The following MGAT5 variants were observed in gnomAD, a reference collection of about 807,000 sequenced individuals.
MGAT5 encodes alpha-1,6-mannosylglycoprotein 6-beta-N-acetylglucosaminyltransferase A.
A neutral mutation model predicts 94.3 loss-of-function variants in MGAT5; 30 were observed. The ratio of observed to expected loss-of-function variants is 0.32; its 90% CI spans 0.24 to 0.43. The LOEUF (loss-of-function observed/expected upper bound fraction) is 0.43, where lower values mean the gene tolerates loss of function less well. MGAT5 is among the 20% of genes least tolerant of loss of function. The pLI is 1.00. For synonymous variants in MGAT5, 310 were observed against 322.9 expected (o/e 0.96, Z 0.43); for missense variants, 691 against 905.5 (o/e 0.76, Z 3.04).
At chr2:134,267,440 A>G (rs1469467503) in intron 1 of MGAT5, among the ~76,000 whole-genome samples, 2 of 152,214 alleles carry the variant, frequency 1.3e-5, no homozygotes, top group South Asian at 4.1e-4. Flanking sequence ...AGAAAGTTCA[A>G]TAAGTGGAGG....
chr2:134,398,177 G>A (rs1328667630), intron 10 of MGAT5, among the ~76,000 whole-genome samples: 1 of 152,132 alleles, frequency 6.6e-6, no homozygotes, highest in South Asian at 2.1e-4. Context: ...CCATATTCCC[G>A]AAAATCTGAA....
intron 8 of MGAT5, among the ~76,000 whole-genome samples, chr2:134,345,782 A>G (rs10173703): frequency 0.014 from 2,174 of 152,302 alleles, 40 homozygotes; most frequent in African/African-American, 0.05. Context: ...TAACACATGC[A>G]TTTTTAACAA....
intron 10 of MGAT5, among the ~76,000 whole-genome samples, chr2:134,368,483 CTT>C (rs1288610881): frequency 6.6e-6 from 1 of 152,294 alleles, no homozygotes; most frequent in Admixed American, 6.5e-5. Flanking sequence ...ACTTCAAAGA[CTT>C]TGTGGTTTTA....
intron 10 of MGAT5, among the ~76,000 whole-genome samples, chr2:134,363,029 A>G (rs908682820): frequency 6.6e-6 from 1 of 152,248 alleles, no homozygotes; most frequent in African/African-American, 2.4e-5. Context: ...ATTTGGGGAA[A>G]GTATAACAGG....
intron 2 of MGAT5, among the ~76,000 whole-genome samples, chr2:134,276,020 A>C (rs1181149516): frequency 6.6e-6 from 1 of 152,186 alleles, no homozygotes; most frequent in African/African-American, 2.4e-5. Flanking sequence ...GATCTATGAG[A>C]TACTGTTAGA....
At chr2:134,144,109 C>T (rs1254919606) in intron 1 of MGAT5, among the ~76,000 whole-genome samples, 1 of 152,160 alleles carries the variant, frequency 6.6e-6, no homozygotes, top group Non-Finnish European at 1.5e-5. Context: ...GCTCACTGGG[C>T]TCCAAGCAAC....
chr2:134,188,430 A>G (rs1233227650), intron 1 of MGAT5, among the ~76,000 whole-genome samples: 1 of 152,236 alleles, frequency 6.6e-6, no homozygotes, highest in East Asian at 1.9e-4. Flanking sequence ...TCTCATCTGC[A>G]AAGTGGGAAT....
intron 1 of MGAT5, among the ~76,000 whole-genome samples, chr2:134,123,426 G>C (rs542114672): frequency 6.6e-6 from 1 of 152,298 alleles, no homozygotes; most frequent in South Asian, 2.1e-4. Flanking sequence ...TCATCTGTAA[G>C]ATCTGGGTTG....
At chr2:134,322,103 T>C (rs1158658348) in intron 4 of MGAT5, among the ~76,000 whole-genome samples, 1 of 152,220 alleles carries the variant, frequency 6.6e-6, no homozygotes, top group Non-Finnish European at 1.5e-5. Context: ...ATTCTTCCTT[T>C]ATGAAATAAT....
intron 1 of MGAT5, among the ~76,000 whole-genome samples, chr2:134,172,390 T>TA (rs199692005): frequency 0.16 from 24,476 of 151,436 alleles, 2,217 homozygotes; most frequent in South Asian, 0.23. Context: ...TTTTTTTTTT[T>TA]AATTAATTAT....
intron 10 of MGAT5, among the ~76,000 whole-genome samples, chr2:134,363,109 T>C (rs72980016): frequency 6.6e-6 from 1 of 152,158 alleles, no homozygotes; most frequent in Non-Finnish European, 1.5e-5. Context: ...GTCTGCCTCA[T>C]TGGCCAAATG....
At chr2:134,263,890 T>C (rs1263013451) in intron 1 of MGAT5, among the ~76,000 whole-genome samples, 2 of 151,478 alleles carry the variant, frequency 1.3e-5, no homozygotes, top group Non-Finnish European at 2.9e-5. Flanking sequence ...TCTTACCAGA[T>C]AAAATTGATT....
chr2:134,160,832 G>T (rs1270598170), intron 1 of MGAT5, among the ~76,000 whole-genome samples: 2 of 152,250 alleles, frequency 1.3e-5, no homozygotes, highest in African/African-American at 2.4e-5. Flanking sequence ...GGGTTGTGGG[G>T]AAAGTTGCAT....
intron 10 of MGAT5, among the ~76,000 whole-genome samples, chr2:134,397,251 GC>G (rs2106274148): frequency 6.6e-6 from 1 of 152,320 alleles, no homozygotes; most frequent in East Asian, 1.9e-4. Flanking sequence ...TTAGCCCACA[GC>G]CTCTAGGAAG....
At position 134,454,128 on chromosome 2, in the gene MGAT5, G is replaced by GA. The variant is rs1233681840; in HGVS notation, c.*5282dup. Reference sequence around the variant, plus strand: ...CAATGCCACCCTGACCCCACGGCTGGAGAACCCTGTGCTTATGTGGTGGGC... The same window carrying GA: ...CAATGCCACCCTGACCCCACGGCTGGAAGAACCCTGTGCTTATGTGGTGGGC... On this transcript the variant is annotated 3_prime_UTR_variant, in exon 16 of 16. Transcript: ENST00000281923. 1.3e-5 allele frequency: 2 copies of GA among 152,270 alleles called. No homozygotes were observed. Among genetic ancestry groups the GA allele is most frequent in the Non-Finnish European group, 2.9e-5 (2 of 68,078 alleles). 9.4% of individuals were successfully genotyped at this position (152,270 alleles called of 1,614,324 possible).
intron 11 of MGAT5, among the ~76,000 whole-genome samples, chr2:134,404,625 A>G (rs898915016): frequency 6.6e-6 from 1 of 152,344 alleles, no homozygotes; most frequent in African/African-American, 2.4e-5. Flanking sequence ...AAAAGAATGT[A>G]TATCTCCTCT....
intron 1 of MGAT5, among the ~76,000 whole-genome samples, chr2:134,145,214 C>CTCTCTG (rs373377770): frequency 0.018 from 2,522 of 143,852 alleles, 67 homozygotes; most frequent in African/African-American, 0.059. Flanking sequence ...GTCTCTCTCT[C>CTCTCTG]TGTGTGTGTG....
intron 1 of MGAT5, 40 bp downstream of exon 1, chr2:134,254,684 TTGGCCTTGAAATGGCCCTAG>T (rs750631332): frequency 2.5e-6 from 4 of 1,608,696 alleles, no homozygotes; most frequent in Admixed American, 1.7e-5. Flanking sequence ...AAAGTGTGCC[TTGGCCTTGAAATGGCCCTAG>T]AAGCTCCCAG....
chr2:134,192,932 A>G (rs1170033706), intron 1 of MGAT5, among the ~76,000 whole-genome samples: 3 of 151,916 alleles, frequency 2.0e-5, no homozygotes, highest in Admixed American at 6.5e-5. Context: ...ACATACTAAA[A>G]TTTTACCATC....
Sources: allele counts gnomAD v4.1 joint callset (sites outside exome capture counted in the v4.1 genomes callset), GRCh38; gene constraint gnomAD v4.1.1; transcripts MANE v1.5; gene names NCBI Gene and HGNC (gene_info 2026-07-23, HGNC 2026-07-21).